KLK8: variants seen among roughly 807,000 people sequenced by gnomAD.
KLK8 encodes kallikrein related peptidase 8.
A neutral mutation model predicts 26.7 loss-of-function variants in KLK8; 18 were observed. That is an observed-to-expected ratio of 0.67 (90% CI 0.47 to 1.00). KLK8 has a LOEUF of 1.00. Ranked by LOEUF, KLK8 falls within the 50% of genes least tolerant of loss-of-function variation. The pLI, the probability that KLK8 is intolerant of heterozygous loss-of-function variation, is 0.00. For missense variants in KLK8, 301 were observed against 331.7 expected, an observed-to-expected ratio of 0.91 and a Z score of 0.72; for synonymous variants, 137 against 127.1, an observed-to-expected ratio of 1.08 and a Z score of -0.52.
chr19:50,999,583 CAAAAAAAAAAAAAAA>C (rs56988162), intron 5 of KLK8, among the ~76,000 whole-genome samples: 48 of 30,282 alleles, frequency 1.6e-3, no homozygotes, highest in East Asian at 6.0e-3. Flanking sequence ...TGTCCCCCTG[CAAAAAAAAAAAAAAA>C]AAAAAAAAAA....
At chr19:51,000,801 A>C in intron 3 of KLK8, 1 of 1,373,598 alleles carries the variant, frequency 7.3e-7, no homozygotes, top group Non-Finnish European at 9.8e-7. Flanking sequence ...ATGCTTCCAC[A>C]TGAGTCTACA....
chr19:51,000,215 C>G lies in KLK8; in HGVS notation c.274G>C (p.Asp92His), dbSNP rs992577273. The change falls in exon 5 of 7, where the codon GAT becomes CAT. Residue 92 changes from aspartate to histidine, a missense_variant. Asp to His is a moderately conservative substitution (Grantham distance 81). Transcript: ENST00000600767. ...ACAGGTATTTCTTGCTCTGGGCCAT[C>G]TTTATTCTGTAGGCTGTGGTCTCCC... 5 of 1,603,898 alleles carry G rather than the reference C, an allele frequency of 3.1e-6. No individual in the cohort carries two copies. The African/African-American group carries it at 5.4e-5, about 17-fold the overall frequency.
intron 6 of KLK8, 114 bp from the exon 6 acceptor site, chr19:50,996,328 G>T: frequency 3.5e-6 from 4 of 1,126,862 alleles, no homozygotes; most frequent in Non-Finnish European, 3.8e-6. Flanking sequence ...GTAGCCAATG[G>T]GGGTAAAAGC....
At chr19:50,999,845 C>A in intron 5 of KLK8, 151 bp downstream of exon 4, 1 of 796,678 alleles carries the variant, frequency 1.3e-6, no homozygotes, top group South Asian at 2.1e-5. Flanking sequence ...ATCTTCGAGG[C>A]TTCTCATATG....
intron 2 of KLK8, 86 bp from the exon 2 acceptor site, chr19:51,001,261 G>A (rs917884274): frequency 1.3e-5 from 15 of 1,145,858 alleles, no homozygotes; most frequent in Non-Finnish European, 1.8e-5. Context: ...GGAGGCAGCC[G>A]AGAGTATCTG....
intron 4 of KLK8, 52 bp downstream of exon 3, chr19:51,000,372 G>GC: frequency 6.4e-7 from 1 of 1,553,588 alleles, no homozygotes; most frequent in Non-Finnish European, 8.7e-7. Flanking sequence ...CGAAACCCCA[G>GC]CCCCCTCTTT....
intron 6 of KLK8, 107 bp from the exon 6 acceptor site, chr19:50,996,321 G>A: frequency 8.4e-7 from 1 of 1,189,496 alleles, no homozygotes; most frequent in Non-Finnish European, 1.2e-6. Flanking sequence ...GTCCCCTGTA[G>A]CCAATGGGGG....
intron 4 of KLK8, 42 bp from the exon 4 acceptor site, chr19:51,000,300 G>C (rs781301548): frequency 6.5e-7 from 1 of 1,546,440 alleles, no homozygotes; most frequent in Non-Finnish European, 8.8e-7. Flanking sequence ...CAGGGGTATT[G>C]CCCCCAGCCC....
At chr19:51,000,848 G>A in intron 3 of KLK8, 2 of 972,822 alleles carry the variant, frequency 2.1e-6, no homozygotes, top group Non-Finnish European at 3.0e-6. Flanking sequence ...ATGCCCCCAA[G>A]CAAGCAGCCC....
intron 6 of KLK8, among the ~76,000 whole-genome samples, chr19:50,997,421 A>C (rs755388038): frequency 6.6e-6 from 1 of 152,124 alleles, no homozygotes; most frequent in Non-Finnish European, 1.5e-5. Flanking sequence ...GAGAGCAGGC[A>C]ACTCGTCTAA....
chr19:51,000,749 T>G, intron 3 of KLK8, 166 bp from the exon 3 acceptor site: 1 of 1,517,628 alleles, frequency 6.6e-7, no homozygotes, highest in Non-Finnish European at 8.8e-7. Context: ...TTTCAGTCCA[T>G]GTGTCATCAT....
At chr19:50,997,728 G>A (rs1408440743) in intron 6 of KLK8, 23 bp downstream of exon 5, 30 of 1,613,160 alleles carry the variant, frequency 1.9e-5, no homozygotes, top group Non-Finnish European at 2.5e-5. Context: ...TGTGTGAGGA[G>A]AAGGATTTCA....
intron 5 of KLK8, among the ~76,000 whole-genome samples, chr19:50,999,437 C>T (rs964907678): frequency 3.7e-4 from 56 of 150,920 alleles, no homozygotes; most frequent in African/African-American, 1.1e-3. Flanking sequence ...AAAATTAGCT[C>T]GCGTGGTGGC....
intron 6 of KLK8, among the ~76,000 whole-genome samples, 199 bp from the exon 6 acceptor site, chr19:50,996,413 G>A (rs2091167084): frequency 6.6e-6 from 1 of 151,968 alleles, no homozygotes; most frequent in Non-Finnish European, 1.5e-5. Flanking sequence ...AAGGGTAGTG[G>A]TCAAAACACT....
Position 51,000,158 on chromosome 19 carries a change from T to C in KLK8, c.331A>G (p.Ser111Gly), listed in dbSNP as rs751097205. Residue 111 changes from serine (S) to glycine (G), a missense_variant, in exon 5 of 7, where the codon AGC (serine) becomes GGC (glycine). Ser to Gly is a moderately conservative substitution (Grantham distance 56). Coordinates refer to ENST00000600767, the Ensembl canonical transcript of KLK8. Reference sequence around the variant, plus strand: ...TGGTTGTGGTCCTCCACATCGCTGCTGTTGTAGCAGGGGTGTGGGATGGAC... The same window carrying C: ...TGGTTGTGGTCCTCCACATCGCTGCCGTTGTAGCAGGGGTGTGGGATGGAC... The C allele has an allele frequency of 2.5e-6, 4 of 1,613,834 alleles. No homozygotes were observed. In the East Asian group the frequency reaches 8.9e-5, roughly 36 times the overall value.
At chr19:50,996,731 CAAA>C (rs113362363) in intron 6 of KLK8, among the ~76,000 whole-genome samples, 8 of 96,914 alleles carry the variant, frequency 8.3e-5, no homozygotes, top group African/African-American at 8.2e-5. Context: ...GACCCTGTCT[CAAA>C]AAAAAAAAAA....
At chr19:50,998,224 C>T (rs1375309848) in intron 5 of KLK8, among the ~76,000 whole-genome samples, 4 of 152,136 alleles carry the variant, frequency 2.6e-5, no homozygotes. Context: ...CCTCAGACAA[C>T]CGGGTCCTCA....
chr19:50,999,583 CAAAAAAAAAAAAAAAAAAAAAAAAAAAAA>C (rs56988162), intron 5 of KLK8, among the ~76,000 whole-genome samples: 5 of 30,296 alleles, frequency 1.7e-4, no homozygotes, highest in African/African-American at 3.4e-4. Context: ...TGTCCCCCTG[CAAAAAAAAAAAAAAAAAAAAAAAAAAAAA>C]AAAAAAAAAA....
chr19:50,998,225 C>A (rs569805190), intron 5 of KLK8, among the ~76,000 whole-genome samples: 14 of 152,196 alleles, frequency 9.2e-5, no homozygotes, highest in African/African-American at 2.9e-4. Context: ...CTCAGACAAC[C>A]GGGTCCTCAA....
Sources: gnomAD v4.1 joint callset for allele counts (sites outside exome capture counted in the v4.1 genomes callset) on GRCh38, gnomAD v4.1.1 for gene constraint, MANE v1.5 for transcripts, NCBI Gene and HGNC (gene_info 2026-07-23, HGNC 2026-07-21) for gene names.